The following MCU variants were observed in gnomAD, a reference collection of about 807,000 sequenced individuals.
MCU encodes the protein mitochondrial calcium uniporter, also known as calcium uniporter protein, mitochondrial.
Under a neutral mutation model 45.2 loss-of-function variants are expected in MCU, and 12 were observed. The observed-to-expected ratio is 0.27, with a 90% CI of 0.17 to 0.43. The LOEUF (loss-of-function observed/expected upper bound fraction) is 0.43. Among genes scored for constraint, MCU ranks in the 20% least tolerant of loss-of-function variants. MCU has a pLI of 1.00. For synonymous variants in MCU, 160 were observed against 165.1 expected, an observed-to-expected ratio of 0.97 and a Z score of 0.24; for missense variants, 324 against 436.7, an observed-to-expected ratio of 0.74 and a Z score of 2.30.
chr10:72,703,848 A>T (rs997969426), intron 1 of MCU, among the ~76,000 whole-genome samples: 2 of 152,106 alleles, frequency 1.3e-5, no homozygotes, highest in Non-Finnish European at 2.9e-5. Context: ...GTGAGCAGAG[A>T]TCACTGCATT....
chr10:72,788,935 T>C (rs1354659261), intron 1 of MCU, among the ~76,000 whole-genome samples: 4 of 152,228 alleles, frequency 2.6e-5, no homozygotes, highest in African/African-American at 9.6e-5. Context: ...TCTGAATCCC[T>C]TCCTTTGACA....
chr10:72,698,938 G>A (rs1483849568), intron 1 of MCU, among the ~76,000 whole-genome samples: 1 of 152,088 alleles, frequency 6.6e-6, no homozygotes, highest in East Asian at 1.9e-4. Context: ...TGAATAGCTA[G>A]GACTACAGGC....
chr10:72,821,666 A>T (rs950452274), intron 1 of MCU, among the ~76,000 whole-genome samples: 3 of 152,158 alleles, frequency 2.0e-5, no homozygotes, highest in Non-Finnish European at 4.4e-5. Context: ...TTAACTTTAC[A>T]AGGATAGAAT....
intron 1 of MCU, among the ~76,000 whole-genome samples, chr10:72,711,632 G>A (rs1280109512): frequency 7.9e-5 from 12 of 151,504 alleles, no homozygotes. Flanking sequence ...ATTGCTTGAG[G>A]CCAGTAGTTT....
At chr10:72,756,776 C>T (rs1369217903) in intron 1 of MCU, 1 of 152,038 alleles carries the variant, frequency 6.6e-6, no homozygotes, top group Middle Eastern at 3.2e-3. Context: ...GTCCAGCTCC[C>T]CTCCTCACAA....
chr10:72,718,961 C>T (rs1842986562), intron 1 of MCU, among the ~76,000 whole-genome samples: 1 of 152,096 alleles, frequency 6.6e-6, no homozygotes, highest in Non-Finnish European at 1.5e-5. Context: ...AGACTGATCA[C>T]CTTTGTTGGG....
Position 72,772,919 on chromosome 10 carries a change from A to G in MCU, c.151-61440A>G, listed in dbSNP as rs1415529785. Among the ~76,000 whole-genome samples the G allele has an allele frequency of 1.1e-4, 8 of 73,862 alleles. No homozygotes were observed. In the Admixed American group the frequency reaches 1.3e-3, roughly 12 times the overall value. 48.5% of individuals were successfully genotyped at this position (73,862 alleles called of 152,430 possible). A position where few individuals can be genotyped will look rare whatever the true frequency, so the allele number is the denominator to read the frequency against. Reference sequence around the variant, plus strand: ...TTTGTTTGTTTGTTTGTTTGTTTTGAGACACGGTCTTTCCTTGTCACTAGG... The same window carrying G: ...TTTGTTTGTTTGTTTGTTTGTTTTGGGACACGGTCTTTCCTTGTCACTAGG... On this transcript the variant is annotated intron_variant, in intron 1 of 7. Transcript: ENST00000373053.
chr10:72,791,572 C>G (rs913409144), intron 1 of MCU, among the ~76,000 whole-genome samples: 2 of 152,020 alleles, frequency 1.3e-5, no homozygotes, highest in Admixed American at 6.6e-5. Flanking sequence ...GAGGTTTTAT[C>G]TGAGTTATAT....
At chr10:72,807,665 A>G (rs1844473028) in intron 1 of MCU, among the ~76,000 whole-genome samples, 1 of 152,056 alleles carries the variant, frequency 6.6e-6, no homozygotes, top group Non-Finnish European at 1.5e-5. Context: ...TCTCACACAC[A>G]CACATAAGCT....
intron 1 of MCU, among the ~76,000 whole-genome samples, chr10:72,695,479 C>T (rs1342826004): frequency 6.6e-6 from 1 of 152,254 alleles, no homozygotes; most frequent in South Asian, 2.1e-4. Context: ...CTGCACTGTC[C>T]CATACATTCA....
chr10:72,768,419 T>C (rs943380709), intron 1 of MCU, among the ~76,000 whole-genome samples: 8 of 152,222 alleles, frequency 5.3e-5, no homozygotes, highest in Non-Finnish European at 7.4e-5. Flanking sequence ...TTAATATTCA[T>C]GTTAGAATTC....
At chr10:72,865,298 G>A (rs777429104) in intron 4 of MCU, among the ~76,000 whole-genome samples, 1 of 152,156 alleles carries the variant, frequency 6.6e-6, no homozygotes, top group Non-Finnish European at 1.5e-5. Flanking sequence ...GTAAATTAGG[G>A]TATAAAGCTT....
chr10:72,859,117 T>C (rs2132868723), intron 2 of MCU, 60 bp from the exon 3 acceptor site: 1 of 1,456,550 alleles, frequency 6.9e-7, no homozygotes, highest in East Asian at 2.3e-5. Flanking sequence ...ATGGTAATAA[T>C]GTGACTTTAA....
At chr10:72,778,247 CATA>C (rs1310538110) in intron 1 of MCU, among the ~76,000 whole-genome samples, 2 of 152,048 alleles carry the variant, frequency 1.3e-5, no homozygotes, top group Non-Finnish European at 2.9e-5. Context: ...CAGCAATATT[CATA>C]ATAACCAAGA....
intron 1 of MCU, among the ~76,000 whole-genome samples, chr10:72,701,202 C>T (rs1283227905): frequency 6.6e-6 from 1 of 152,146 alleles, no homozygotes; most frequent in African/African-American, 2.4e-5. Context: ...CACTTGGTTT[C>T]TATAGATAGA....
chr10:72,814,802 T>G (rs1438317963), intron 1 of MCU, among the ~76,000 whole-genome samples: 1 of 152,222 alleles, frequency 6.6e-6, no homozygotes. Context: ...GACATTTAGT[T>G]TTTTATAGAC....
At chr10:72,758,828 T>G (rs1486915882) in intron 1 of MCU, among the ~76,000 whole-genome samples, 1 of 152,236 alleles carries the variant, frequency 6.6e-6, no homozygotes, top group Non-Finnish European at 1.5e-5. Context: ...CTCTTTTCCG[T>G]AATATTACTT....
In MCU at chr10:72,806,855, G is replaced by A. The variant is rs766036248; in HGVS notation, c.151-27504G>A. On this transcript the variant is annotated intron_variant, in intron 1 of 7. Transcript: ENST00000373053. ...GAAGGAATACTTCAGGCAGAGAAAC[G>A]AAATTATGCAAGGCCATGAGGCCAG... Among the ~76,000 whole-genome samples the A allele has an allele frequency of 3.9e-5, 6 of 152,198 alleles. No individual in the cohort carries two copies. The South Asian group carries it at 6.2e-4, about 16-fold the overall frequency.
chr10:72,843,947 A>G (rs1845082862), intron 2 of MCU, among the ~76,000 whole-genome samples: 1 of 152,164 alleles, frequency 6.6e-6, no homozygotes, highest in Non-Finnish European at 1.5e-5. Context: ...CATTTTGTTT[A>G]TACATATTAA....
Sources: allele counts gnomAD v4.1 joint callset (sites outside exome capture counted in the v4.1 genomes callset), GRCh38; gene constraint gnomAD v4.1.1; transcripts MANE v1.5; gene names NCBI Gene and HGNC (gene_info 2026-07-23, HGNC 2026-07-21).